Variants in LRRTM4 observed in about 807,000 individuals in gnomAD.
LRRTM4 encodes leucine-rich repeat transmembrane neuronal protein 4.
A neutral mutation model predicts 47.6 loss-of-function variants in LRRTM4; 25 were observed. That is an observed-to-expected ratio of 0.53 (90% CI 0.38 to 0.73). The LOEUF (loss-of-function observed/expected upper bound fraction) is 0.73, where lower values mean the gene tolerates loss of function less well. Ranked by LOEUF, LRRTM4 falls within the 30% of genes least tolerant of loss-of-function variation. LRRTM4 has a pLI of 0.00. For synonymous variants in LRRTM4, 311 were observed against 269.5 expected (o/e 1.15, Z -1.51); for missense variants, 638 against 713.4 (o/e 0.89, Z 1.20).
rs1218983804 is a variant in LRRTM4, at chr2:77,009,701, G to C, written c.1552-260785C>G. 7 of 152,060 alleles carry C rather than the reference G, an allele frequency of 4.6e-5. No homozygotes were observed. In the East Asian group the frequency reaches 1.2e-3, roughly 25 times the overall value. The allele number at this position is 152,060 out of a possible 1,614,324, so 9.4% of individuals were successfully genotyped here. On this transcript the variant is annotated intron_variant, in intron 3 of 3. Coordinates refer to ENST00000409884, the MANE Select transcript of LRRTM4 (RefSeq NM_001134745.3). The stretch of plus-strand genomic sequence containing the variant: ...AGCCACATCTTGATTCTTAACAGCA[G>C]TCACCTTCACCTCCATAATTTCCCT...
chr2:76,846,074 G>A (rs887637827), intron 3 of LRRTM4, among the ~76,000 whole-genome samples: 1 of 152,022 alleles, frequency 6.6e-6, no homozygotes, highest in African/African-American at 2.4e-5. Context: ...CATTCAGTGG[G>A]GTCAAGTTTG....
chr2:77,248,576 C>A (rs2104007775), intron 3 of LRRTM4, among the ~76,000 whole-genome samples: 1 of 152,058 alleles, frequency 6.6e-6, no homozygotes, highest in African/African-American at 2.4e-5. Flanking sequence ...ATAAAAGACA[C>A]TGAATAGCCA....
At chr2:76,914,905 A>C (rs992374179) in intron 3 of LRRTM4, among the ~76,000 whole-genome samples, 4 of 152,242 alleles carry the variant, frequency 2.6e-5, no homozygotes, top group African/African-American at 7.2e-5. Context: ...TACTAAGAGC[A>C]GAAAGAAAAT....
chr2:76,895,294 T>A (rs1466067797), intron 3 of LRRTM4, among the ~76,000 whole-genome samples: 1 of 152,054 alleles, frequency 6.6e-6, no homozygotes, highest in Non-Finnish European at 1.5e-5. Flanking sequence ...ACCTCTAAGT[T>A]CTTTACTAGT....
chr2:77,178,591 C>T (rs1558620651), intron 3 of LRRTM4, among the ~76,000 whole-genome samples: 1 of 151,796 alleles, frequency 6.6e-6, no homozygotes, highest in Non-Finnish European at 1.5e-5. Context: ...ATCTCAAAAA[C>T]AAACAACAAC....
intron 3 of LRRTM4, among the ~76,000 whole-genome samples, chr2:76,887,626 A>G (rs1199294478): frequency 7.7e-6 from 1 of 130,716 alleles, no homozygotes; most frequent in African/African-American, 2.9e-5. Flanking sequence ...TATGATACAC[A>G]CTGTATATGA....
At chr2:76,888,886 T>A (rs552912749) in intron 3 of LRRTM4, among the ~76,000 whole-genome samples, 33 of 152,042 alleles carry the variant, frequency 2.2e-4, no homozygotes, top group African/African-American at 7.9e-4. Context: ...TTCGCCTTTT[T>A]AAGAGAAAGC....
At chr2:77,096,837 G>A (rs961910125) in intron 3 of LRRTM4, among the ~76,000 whole-genome samples, 2 of 151,592 alleles carry the variant, frequency 1.3e-5, no homozygotes, top group Admixed American at 1.3e-4. Flanking sequence ...GAAATAGAGT[G>A]TCCATATTAA....
At chr2:77,490,107 G>A (rs961945890) in intron 3 of LRRTM4, among the ~76,000 whole-genome samples, 14 of 151,882 alleles carry the variant, frequency 9.2e-5, no homozygotes, top group African/African-American at 2.2e-4. Context: ...AACATTAGCC[G>A]GGCACGGTGG....
chr2:76,801,508 C>T (rs528259286), intron 3 of LRRTM4, among the ~76,000 whole-genome samples: 8 of 151,730 alleles, frequency 5.3e-5, no homozygotes, highest in Non-Finnish European at 1.2e-4. Context: ...ACTCTGGGGA[C>T]TGTTGTGGTG....
chr2:76,841,390 C>T (rs1043869754), intron 3 of LRRTM4, among the ~76,000 whole-genome samples: 5 of 151,664 alleles, frequency 3.3e-5, no homozygotes, highest in South Asian at 2.1e-4. Flanking sequence ...CAAGCCTGCA[C>T]GTTGTGCACA....
chr2:76,825,556 G>C (rs1230400944), intron 3 of LRRTM4, among the ~76,000 whole-genome samples: 1 of 151,686 alleles, frequency 6.6e-6, no homozygotes, highest in Non-Finnish European at 1.5e-5. Context: ...GGGGGTGATA[G>C]CTATGGAAGC....
intron 3 of LRRTM4, among the ~76,000 whole-genome samples, chr2:77,399,344 A>G (rs1195168722): frequency 6.6e-6 from 1 of 151,846 alleles, no homozygotes; most frequent in East Asian, 1.9e-4. Flanking sequence ...TTGTAGTGAG[A>G]ACACTTAAAA....
chr2:77,492,059 AT>A (rs1253325548), intron 3 of LRRTM4, among the ~76,000 whole-genome samples: 13 of 152,124 alleles, frequency 8.5e-5, no homozygotes, highest in Admixed American at 8.5e-4. Context: ...TTAGGATAAA[AT>A]TTAATTGAAT....
intron 3 of LRRTM4, among the ~76,000 whole-genome samples, chr2:76,918,336 T>C (rs923834940): frequency 3.3e-5 from 5 of 152,230 alleles, no homozygotes; most frequent in Admixed American, 6.5e-5. Context: ...TTACTTGAGG[T>C]GTAATCAAAC....
At chr2:77,037,377 C>G (rs1213545200) in intron 3 of LRRTM4, among the ~76,000 whole-genome samples, 1 of 151,752 alleles carries the variant, frequency 6.6e-6, no homozygotes, top group Non-Finnish European at 1.5e-5. Flanking sequence ...ATAAGGCACT[C>G]AGTCACCACA....
chr2:76,756,616 T>C (rs925825526), intron 3 of LRRTM4, among the ~76,000 whole-genome samples: 2 of 152,164 alleles, frequency 1.3e-5, no homozygotes, highest in African/African-American at 4.8e-5. Context: ...TTCATCTGCC[T>C]TCACCTGTAG....
At chr2:76,781,727 G>A (rs895366393) in intron 3 of LRRTM4, among the ~76,000 whole-genome samples, 1 of 150,348 alleles carries the variant, frequency 6.7e-6, no homozygotes. Context: ...CGTCGCTCAC[G>A]CTGGGAGCTA....
chr2:77,432,307 C>T (rs1675412354), intron 3 of LRRTM4, among the ~76,000 whole-genome samples: 1 of 152,184 alleles, frequency 6.6e-6, no homozygotes, highest in South Asian at 2.1e-4. Context: ...TCCTGTGTCT[C>T]CCTCAGGATC....
Sources: gnomAD v4.1 joint callset for allele counts (sites outside exome capture counted in the v4.1 genomes callset) on GRCh38, gnomAD v4.1.1 for gene constraint, MANE v1.5 for transcripts, NCBI Gene and HGNC (gene_info 2026-07-23, HGNC 2026-07-21) for gene names.